CWF19L1: variants seen among roughly 807,000 people sequenced by gnomAD.
CWF19L1 encodes the protein CWF19 like cell cycle control factor 1, also known as CWF19-like protein 1.
Under a neutral mutation model 69.7 loss-of-function variants are expected in CWF19L1, and 60 were observed. The ratio of observed to expected loss-of-function variants is 0.86; its 90% CI spans 0.70 to 1.07. The LOEUF (loss-of-function observed/expected upper bound fraction) is 1.07. Ranked by LOEUF, CWF19L1 falls within the 50% of genes least tolerant of loss-of-function variation. The pLI, the probability that CWF19L1 is intolerant of heterozygous loss-of-function variation, is 0.00. For missense variants in CWF19L1, 591 were observed against 638.9 expected (o/e 0.92, Z 0.81); for synonymous variants, 209 against 222.2 (o/e 0.94, Z 0.53).
intron 10 of CWF19L1, among the ~76,000 whole-genome samples, chr10:100,240,674 A>G (rs369511237): frequency 1.3e-5 from 2 of 152,238 alleles, no homozygotes; most frequent in African/African-American, 4.8e-5. Context: ...GGCCTAGAGC[A>G]GCACTGAGCT....
rs1013748650 is a variant in CWF19L1 at position 100,232,960 on chromosome 10, A to G, written c.*267T>C. The G allele has an allele frequency of 8.8e-6, 2 of 228,224 alleles. No homozygotes were observed. The highest frequency in any genetic ancestry group is 8.5e-6 in the Non-Finnish European group (1 of 117,016). 14.1% of individuals were successfully genotyped at this position (228,224 alleles called of 1,614,324 possible). A position where few individuals can be genotyped will look rare whatever the true frequency, so the allele number is the denominator to read the frequency against. On this transcript the variant is annotated 3_prime_UTR_variant, in exon 14 of 14. Transcript: ENST00000354105. The stretch of plus-strand genomic sequence containing the variant: ...GGCATTACAGACCAGCCTGGGCAAC[A>G]CAGGGAGACCCTCCTGTCTCTATAA...
Position 100,245,704 on chromosome 10 carries a change from C to T in CWF19L1, c.964+95G>A, listed in dbSNP as rs1689813075. 3 of 866,832 alleles carry T rather than the reference C, an allele frequency of 3.5e-6. No individual in the cohort carries two copies. In the Admixed American group the frequency reaches 6.4e-5, roughly 18 times the overall value. The allele number at this position is 866,832 out of a possible 1,614,324, so 53.7% of individuals were successfully genotyped here. On this transcript the variant is annotated intron_variant, in intron 9 of 13. Transcript: ENST00000354105. ...TGACTCATTGCACAATTCTCCCCTGCCAGAAGAGGCTCTCTTAGCAATGCT... is the reference window on the plus strand; with the variant it reads ...TGACTCATTGCACAATTCTCCCCTGTCAGAAGAGGCTCTCTTAGCAATGCT...
chr10:100,249,709 T>C (rs575184405), intron 7 of CWF19L1, among the ~76,000 whole-genome samples: 1 of 152,252 alleles, frequency 6.6e-6, no homozygotes, highest in East Asian at 1.9e-4. Flanking sequence ...CTCAGCTTCC[T>C]GAGTAGCTGG....
At chr10:100,235,017 G>C (rs906394227) in intron 13 of CWF19L1, among the ~76,000 whole-genome samples, 1 of 152,058 alleles carries the variant, frequency 6.6e-6, no homozygotes, top group African/African-American at 2.4e-5. Flanking sequence ...CCATTAGCCA[G>C]GTATGGCTAT....
intron 1 of CWF19L1, among the ~76,000 whole-genome samples, chr10:100,263,549 A>G (rs2134326210): frequency 6.6e-6 from 1 of 152,280 alleles, no homozygotes; most frequent in East Asian, 1.9e-4. Context: ...TCAGTTACCA[A>G]TTTCTAGTGT....
In CWF19L1 at chr10:100,261,736, T is replaced by C. The variant is rs17112827; in HGVS notation, c.108+243A>G. Among the ~76,000 whole-genome samples, 47 of 152,348 alleles carry C rather than the reference T, an allele frequency of 3.1e-4. No homozygotes were observed. The East Asian group carries it at 3.7e-3, about 12-fold the overall frequency. ...TTAGGGAAGTGTTGCTAGTCTGTTT[T>C]CAGTTTTTTGTACAGTGATAAAGTA... On this transcript the variant is annotated intron_variant, in intron 2 of 13. Coordinates refer to ENST00000354105, the MANE Select transcript of CWF19L1 (RefSeq NM_018294.6).
rs986643630 is a variant in CWF19L1 at position 100,256,430 on chromosome 10, G to A, written c.336C>T (p.Tyr112=). The A allele has an allele frequency of 1.9e-6, 3 of 1,614,034 alleles. No individual in the cohort carries two copies. Among genetic ancestry groups the A allele is most frequent in the Admixed American group, 3.3e-5 (2 of 60,000 alleles). ...FTGSSGLQIV[Y]LSGTESLNEP... ...CATTTAAGGATTCTGTCCCACTGAG[G>A]TACACAATCTGCAGCCCCGAGCTTC... The change falls in exon 5 of 14, where the codon TAC becomes TAT. Residue 112 remains tyrosine, a synonymous_variant. Coordinates refer to ENST00000354105, the MANE Select transcript of CWF19L1 (RefSeq NM_018294.6).
chr10:100,238,345 A>G, intron 10 of CWF19L1, 114 bp from the exon 11 acceptor site: 1 of 819,142 alleles, frequency 1.2e-6, no homozygotes. Flanking sequence ...ACTTGAGGTT[A>G]TTAATAAAAA....
chr10:100,237,872 C>T (rs748184143), intron 11 of CWF19L1, 150 bp downstream of exon 11: 2 of 650,758 alleles, frequency 3.1e-6, no homozygotes, highest in South Asian at 1.8e-5. Flanking sequence ...TGGTCTTGAA[C>T]TCCTGAGCTC....
At chr10:100,260,915 C>T in intron 3 of CWF19L1, 51 bp downstream of exon 3, 5 of 1,121,838 alleles carry the variant, frequency 4.5e-6, no homozygotes, top group Non-Finnish European at 6.5e-6. Context: ...AGAACTCTGG[C>T]CCTTGAAATT....
chr10:100,255,575 C>A (rs1363028170), intron 5 of CWF19L1, among the ~76,000 whole-genome samples: 3 of 152,110 alleles, frequency 2.0e-5, no homozygotes, highest in Non-Finnish European at 2.9e-5. Flanking sequence ...CTAGCCTGGG[C>A]AACATGCTGA....
chr10:100,261,449 G>A (rs1309921808), intron 2 of CWF19L1, among the ~76,000 whole-genome samples: 1 of 152,160 alleles, frequency 6.6e-6, no homozygotes, highest in East Asian at 1.9e-4. Flanking sequence ...TAAAATATTA[G>A]AATCTGAGAA....
At chr10:100,266,064 T>C (rs1847570452) in intron 1 of CWF19L1, among the ~76,000 whole-genome samples, 3 of 152,066 alleles carry the variant, frequency 2.0e-5, no homozygotes, top group Non-Finnish European at 4.4e-5. Flanking sequence ...TTACTCTTAT[T>C]TCCCAAGGCT....
chr10:100,247,823 G>T (rs753733441), intron 7 of CWF19L1, among the ~76,000 whole-genome samples: 1 of 152,142 alleles, frequency 6.6e-6, no homozygotes, highest in Non-Finnish European at 1.5e-5. Flanking sequence ...TTGAACATGG[G>T]AGGTGGAGGT....
At chr10:100,263,882 T>C (rs979068857) in intron 1 of CWF19L1, among the ~76,000 whole-genome samples, 1 of 152,242 alleles carries the variant, frequency 6.6e-6, no homozygotes, top group South Asian at 2.1e-4. Context: ...GTTCTCCACA[T>C]TGCAGACAGA....
chr10:100,262,248 G>A lies in CWF19L1; in HGVS notation c.24-185C>T, dbSNP rs569344240. The A allele has an allele frequency of 2.5e-5, 25 of 985,298 alleles. No homozygotes were observed. In the South Asian group the frequency reaches 1.0e-3, roughly 41 times the overall value. The allele number at this position is 985,298 out of a possible 1,614,324, so 61.0% of individuals were successfully genotyped here. A position where few individuals can be genotyped will look rare whatever the true frequency, so the allele number is the denominator to read the frequency against. ...AGGGTCTCACCAACACCTCCCACTC[G>A]CCGTATCTAAAATTTAGCTTATCAT... is the stretch of plus-strand genomic sequence containing the variant. On this transcript the variant is annotated intron_variant, in intron 1 of 13. Transcript: ENST00000354105.
intron 4 of CWF19L1, among the ~76,000 whole-genome samples, chr10:100,259,600 T>C (rs1475588760): frequency 6.6e-6 from 1 of 152,192 alleles, no homozygotes; most frequent in African/African-American, 2.4e-5. Flanking sequence ...GTATCCCATA[T>C]ACTATAGACA....
chr10:100,261,004 T>A lies in CWF19L1; in HGVS notation c.149A>T (p.Asp50Val), dbSNP rs1847380937. 6.2e-7 allele frequency: 1 copy of A among 1,612,824 alleles called. No homozygotes were observed. Among genetic ancestry groups the A allele is most frequent in the Non-Finnish European group, 8.5e-7 (1 of 1,179,196 alleles). The change falls in exon 3 of 14, where the codon GAT becomes GTT. Residue 50 changes from aspartate to valine, a missense_variant. Coordinates refer to ENST00000354105, the MANE Select transcript of CWF19L1 (RefSeq NM_018294.6). Reference sequence around the variant, plus strand: ...AGTCTTATACTCCTCCCATTCAGCATCTTGGGTGGAGCCAAAGAAATTTCC... The same window carrying A: ...AGTCTTATACTCCTCCCATTCAGCAACTTGGGTGGAGCCAAAGAAATTTCC... ...CVGNFFGSTQ[D>V]AEWEEYKTGI... is the part of the protein sequence containing the mutation.
intron 6 of CWF19L1, among the ~76,000 whole-genome samples, chr10:100,250,557 T>C (rs1043095709): frequency 6.6e-6 from 1 of 152,156 alleles, no homozygotes; most frequent in African/African-American, 2.4e-5. Context: ...TCAGAAACCA[T>C]CAAAACTCCA....
Sources: allele counts gnomAD v4.1 joint callset (sites outside exome capture counted in the v4.1 genomes callset), GRCh38; gene constraint gnomAD v4.1.1; transcripts MANE v1.5; gene names NCBI Gene and HGNC (gene_info 2026-07-23, HGNC 2026-07-21).